The following PARD3B variants were observed in gnomAD, a reference collection of about 807,000 sequenced individuals.
PARD3B encodes the protein par-3 family cell polarity regulator beta.
In PARD3B, 103 loss-of-function variants were observed where a neutral mutation model predicts 130.2. That is an observed-to-expected ratio of 0.79 (90% CI 0.67 to 0.93). The LOEUF is 0.93. Among genes scored for constraint, PARD3B ranks in the 40% least tolerant of loss-of-function variants. The pLI is 0.00. For synonymous variants in PARD3B, 583 were observed against 553.2 expected (o/e 1.05, Z -0.76); for missense variants, 1,609 against 1,499.2 (o/e 1.07, Z -1.21).
chr2:205,611,013 G>A (rs1403394920), intron 22 of PARD3B, among the ~76,000 whole-genome samples: 5 of 152,178 alleles, frequency 3.3e-5, no homozygotes, highest in South Asian at 2.1e-4. Context: ...TGTTAAGCTC[G>A]AAGGGAGATA....
chr2:205,442,891 A>G (rs546746240), intron 20 of PARD3B, among the ~76,000 whole-genome samples: 7 of 152,336 alleles, frequency 4.6e-5, no homozygotes, highest in South Asian at 2.1e-4. Flanking sequence ...AAAGAGTGTT[A>G]CTTTTGGCTC....
At chr2:205,315,490 T>C (rs1165939168) in intron 18 of PARD3B, among the ~76,000 whole-genome samples, 1 of 152,190 alleles carries the variant, frequency 6.6e-6, no homozygotes, top group Non-Finnish European at 1.5e-5. Context: ...GAGCTTGTTA[T>C]AGATTCCTGG....
At chr2:204,780,247 G>A (rs1246899909) in intron 2 of PARD3B, among the ~76,000 whole-genome samples, 1 of 152,146 alleles carries the variant, frequency 6.6e-6, no homozygotes, top group Non-Finnish European at 1.5e-5. Context: ...CTATCATGAT[G>A]TGGTTAATTA....
In PARD3B at chr2:205,153,421, C is replaced by T. The variant is rs182829896; in HGVS notation, c.1435-5301C>T. On this transcript the variant is annotated intron_variant, in intron 10 of 22. Transcript: ENST00000406610. The stretch of plus-strand genomic sequence containing the variant: ...TCTTGGAACAAAATGGAAGAACATT[C>T]CATGCTCATGGATAGGAAGAATCAA... Among the ~76,000 whole-genome samples the T allele has an allele frequency of 9.2e-5, 14 of 152,280 alleles. No individual in the cohort carries two copies. In the East Asian group the frequency reaches 2.7e-3, roughly 29 times the overall value.
rs1222138181 is a variant in PARD3B at position 205,116,282 on chromosome 2, G to A, written c.681-2639G>A. 6.6e-6 allele frequency among the ~76,000 whole-genome samples: 1 copy of A among 151,986 alleles called. No individual in the cohort carries two copies. The highest frequency in any genetic ancestry group is 1.5e-5 in the Non-Finnish European group (1 of 68,004). On this transcript the variant is annotated intron_variant, in intron 6 of 22. Coordinates refer to ENST00000406610, the MANE Select transcript of PARD3B (RefSeq NM_001302769.2). This position sits in a 1 kb window ranked among gnomAD's most constrained non-coding sequence, Gnocchi z 4.5. ...TGCATAATATGCCTCAGTTTCATAGGGAAGACAGCTAAACAGGAGAGAGAA... is the reference window on the plus strand; with the variant it reads ...TGCATAATATGCCTCAGTTTCATAGAGAAGACAGCTAAACAGGAGAGAGAA...
intron 18 of PARD3B, among the ~76,000 whole-genome samples, chr2:205,323,137 C>T (rs1158009320): frequency 6.6e-6 from 1 of 151,588 alleles, no homozygotes; most frequent in African/African-American, 2.4e-5. Flanking sequence ...TCTCAATCTC[C>T]TGACCTCATG....
At chr2:205,001,231 T>C (rs868397488) in intron 3 of PARD3B, among the ~76,000 whole-genome samples, 1 of 152,150 alleles carries the variant, frequency 6.6e-6, no homozygotes, top group Non-Finnish European at 1.5e-5. Flanking sequence ...TCAGGTGATC[T>C]GCTCACCTCG....
At chr2:205,436,159 A>T (rs962679564) in intron 19 of PARD3B, among the ~76,000 whole-genome samples, 25 of 152,188 alleles carry the variant, frequency 1.6e-4, no homozygotes, top group African/African-American at 5.8e-4. Flanking sequence ...TAAGATGTTA[A>T]TCTTTTCACG....
chr2:204,933,884 C>T (rs1688215141), intron 2 of PARD3B, among the ~76,000 whole-genome samples: 1 of 152,164 alleles, frequency 6.6e-6, no homozygotes, highest in Admixed American at 6.5e-5. Context: ...ATTACTCTCC[C>T]TTATAATTAC....
chr2:204,955,130 G>T (rs570134190), intron 2 of PARD3B, among the ~76,000 whole-genome samples: 2 of 152,202 alleles, frequency 1.3e-5, no homozygotes, highest in Non-Finnish European at 2.9e-5. Flanking sequence ...AATACATGCT[G>T]GATTGCAGTC....
At chr2:204,546,283 G>A (rs1040264229) in intron 1 of PARD3B, 164 bp downstream of exon 1, 1 of 995,388 alleles carries the variant, frequency 1.0e-6, no homozygotes, top group Non-Finnish European at 1.5e-6. Context: ...GGGTGTCTTT[G>A]GGTGTTTGTG....
chr2:204,693,843 G>T (rs2037465034), intron 2 of PARD3B, among the ~76,000 whole-genome samples: 1 of 151,962 alleles, frequency 6.6e-6, no homozygotes, highest in African/African-American at 2.4e-5. Flanking sequence ...GCCCATCGAA[G>T]ATTCAGTTTA....
intron 15 of PARD3B, among the ~76,000 whole-genome samples, chr2:205,225,951 T>C (rs1475797163): frequency 6.6e-6 from 1 of 152,218 alleles, no homozygotes; most frequent in African/African-American, 2.4e-5. Flanking sequence ...TTCTGTGGAT[T>C]GTCTCTTCAC....
At position 205,122,057 on chromosome 2, in the gene PARD3B, A is replaced by G. The variant is rs2030806822; in HGVS notation, c.1165+108A>G. The G allele has an allele frequency of 1.1e-6, 1 of 948,016 alleles. No homozygotes were observed. Among genetic ancestry groups the G allele is most frequent in the Non-Finnish European group, 1.5e-6 (1 of 651,078 alleles). 58.7% of individuals were successfully genotyped at this position (948,016 alleles called of 1,614,324 possible). On this transcript the variant is annotated intron_variant, in intron 8 of 22. Transcript: ENST00000406610. The surrounding 1 kb of genome is among the most constrained non-coding windows in gnomAD (Gnocchi z 4.3). Reference sequence around the variant, plus strand: ...GTTAATTCTCCCTTCATTTAATTGTATCAAAGAATAGATTTAAGTGTATAC... The same window carrying G: ...GTTAATTCTCCCTTCATTTAATTGTGTCAAAGAATAGATTTAAGTGTATAC...
At chr2:204,549,064 G>T (rs2030235524) in intron 1 of PARD3B, among the ~76,000 whole-genome samples, 1 of 152,200 alleles carries the variant, frequency 6.6e-6, no homozygotes, top group African/African-American at 2.4e-5. Context: ...ACCACTACCT[G>T]TTGAGAACAA....
At chr2:205,323,177 G>A (rs529968693) in intron 18 of PARD3B, among the ~76,000 whole-genome samples, 11 of 151,926 alleles carry the variant, frequency 7.2e-5, no homozygotes, top group African/African-American at 2.4e-4. Context: ...CCAAAGTGCT[G>A]GGATTACAGG....
intron 22 of PARD3B, among the ~76,000 whole-genome samples, chr2:205,601,032 G>A (rs1057313477): frequency 1.3e-5 from 2 of 152,186 alleles, no homozygotes; most frequent in African/African-American, 4.8e-5. Context: ...TAATGAGATT[G>A]CTGGGTCAAA....
intron 2 of PARD3B, among the ~76,000 whole-genome samples, chr2:204,872,094 C>A (rs2045650855): frequency 6.6e-6 from 1 of 152,064 alleles, no homozygotes; most frequent in African/African-American, 2.4e-5. Context: ...CTCAAAACTA[C>A]ATTAAATGTG....
intron 3 of PARD3B, among the ~76,000 whole-genome samples, chr2:205,019,043 A>G (rs563629395): frequency 3.9e-5 from 6 of 152,168 alleles, no homozygotes; most frequent in Non-Finnish European, 7.3e-5. Context: ...TTTTTAGCAT[A>G]TGTACATAGT....
Sources: gnomAD v4.1 joint callset for allele counts (sites outside exome capture counted in the v4.1 genomes callset) on GRCh38, gnomAD v4.1.1 for gene constraint, Gnocchi (gnomAD v3.1) non-coding constraint, MANE v1.5 for transcripts, NCBI Gene and HGNC (gene_info 2026-07-23, HGNC 2026-07-21) for gene names.